The following FAM193A variants were observed in gnomAD, a reference collection of about 807,000 sequenced individuals.
FAM193A encodes family with sequence similarity 193 member A.
A neutral mutation model predicts 126.5 loss-of-function variants in FAM193A; 22 were observed. The observed-to-expected ratio is 0.17, with a 90% CI of 0.12 to 0.25. FAM193A has a LOEUF of 0.25. FAM193A is among the 10% of genes least tolerant of loss of function. The pLI, the probability that FAM193A is intolerant of heterozygous loss-of-function variation, is 1.00. For synonymous variants in FAM193A, 761 were observed against 646.8 expected, an observed-to-expected ratio of 1.18 and a Z score of -2.68; for missense variants, 1,675 against 1,672.8, an observed-to-expected ratio of 1.00 and a Z score of -0.02.
chr4:2,633,953 G>A, intron 5 of FAM193A, among the ~76,000 whole-genome samples: 1 of 152,162 alleles, frequency 6.6e-6, no homozygotes. Context: ...GGAGTAAGTC[G>A]TAGTGGTGAA....
intron 2 of FAM193A, among the ~76,000 whole-genome samples, chr4:2,603,829 C>T (rs1342549295): frequency 6.6e-6 from 1 of 151,744 alleles, no homozygotes; most frequent in Admixed American, 6.6e-5. Flanking sequence ...TATCCAAACA[C>T]ATATCTCTTG....
intron 4 of FAM193A, 37 bp from the exon 5 acceptor site, chr4:2,630,898 T>C: frequency 1.6e-6 from 2 of 1,261,338 alleles, no homozygotes; most frequent in Non-Finnish European, 1.1e-6. Context: ...CCATGGGCCC[T>C]GGTGGGCAGG....
intron 20 of FAM193A, among the ~76,000 whole-genome samples, chr4:2,729,613 A>G (rs889389472): frequency 1.3e-5 from 2 of 152,098 alleles, no homozygotes; most frequent in Admixed American, 1.3e-4. Flanking sequence ...TGAGGAGGCA[A>G]TAATTGAGGC....
chr4:2,565,035 G>A (rs964395328), intron 1 of FAM193A, among the ~76,000 whole-genome samples: 3 of 152,064 alleles, frequency 2.0e-5, no homozygotes, highest in African/African-American at 7.2e-5. Flanking sequence ...CTGGCCTCAA[G>A]TTATCCTCCC....
At chr4:2,594,931 C>G (rs1447492041) in intron 1 of FAM193A, among the ~76,000 whole-genome samples, 1 of 136,050 alleles carries the variant, frequency 7.4e-6, no homozygotes, top group African/African-American at 2.7e-5. Context: ...CAGGTTCAAA[C>G]GATTCTCCTG....
intron 19 of FAM193A, 42 bp downstream of exon 19, chr4:2,700,586 G>A (rs1250671705): frequency 6.4e-7 from 1 of 1,574,682 alleles, no homozygotes; most frequent in Non-Finnish European, 8.6e-7. Flanking sequence ...AGCGATGCCT[G>A]GTTTTCCATG....
chr4:2,623,868 C>T lies in FAM193A; in HGVS notation c.502-1394C>T, dbSNP rs1742708367. ...GGAAGTCTCTCTTGTGACTGTATTT[C>T]TTTTCCTCATGCTGTGGGGGTCAGG... On this transcript the variant is annotated intron_variant, in intron 2 of 20. Transcript: ENST00000637812. 5.9e-5 allele frequency among the ~76,000 whole-genome samples: 9 copies of T among 152,278 alleles called. No homozygotes were observed. In the South Asian group the frequency reaches 1.9e-3, roughly 32 times the overall value.
chr4:2,619,058 G>A (rs183058074), intron 2 of FAM193A, among the ~76,000 whole-genome samples: 31 of 152,192 alleles, frequency 2.0e-4, no homozygotes, highest in Admixed American at 9.2e-4. Flanking sequence ...CCTGTGTTCA[G>A]GTTTATTGGT....
chr4:2,713,581 G>A (rs1719231416), intron 19 of FAM193A, among the ~76,000 whole-genome samples: 1 of 152,186 alleles, frequency 6.6e-6, no homozygotes, highest in Admixed American at 6.5e-5. Flanking sequence ...CTCCACAGCA[G>A]GCAGTGAGTG....
At chr4:2,632,700 CA>C (rs1354197032) in intron 5 of FAM193A, among the ~76,000 whole-genome samples, 1 of 143,468 alleles carries the variant, frequency 7.0e-6, no homozygotes, top group Admixed American at 7.2e-5. Context: ...GGGGGTGGGG[CA>C]GGGGGGCAGT....
chr4:2,696,644 A>G lies in FAM193A; in HGVS notation c.3507+51A>G, dbSNP rs533741102. The G allele has an allele frequency of 3.5e-5, 50 of 1,438,922 alleles. No individual in the cohort carries two copies. The East Asian group carries it at 9.8e-4, about 28-fold the overall frequency. 89.1% of individuals were successfully genotyped at this position (1,438,922 alleles called of 1,614,324 possible). On this transcript the variant is annotated intron_variant, in intron 18 of 20. Transcript: ENST00000637812. ...AGGCGCCAGGTCTGAGGGCATTTGA[A>G]GGTGCCGTGCCACGCCAGTCTCTAG... is the stretch of plus-strand genomic sequence containing the variant.
intron 13 of FAM193A, among the ~76,000 whole-genome samples, chr4:2,688,374 G>T (rs1373484189): frequency 6.6e-6 from 1 of 152,148 alleles, no homozygotes; most frequent in Non-Finnish European, 1.5e-5. Flanking sequence ...CAAAGGCAAC[G>T]CCGGCTTCTC....
intron 5 of FAM193A, among the ~76,000 whole-genome samples, chr4:2,636,526 C>T (rs1744109274): frequency 6.6e-6 from 1 of 152,062 alleles, no homozygotes; most frequent in Non-Finnish European, 1.5e-5. Context: ...CCAGCTCACC[C>T]CATGAATGGA....
At chr4:2,723,588 T>C (rs940582459) in intron 20 of FAM193A, among the ~76,000 whole-genome samples, 2 of 147,578 alleles carry the variant, frequency 1.4e-5, no homozygotes, top group African/African-American at 5.0e-5. Flanking sequence ...AAAAAAAAAG[T>C]TTGAAGTAAA....
At chr4:2,621,269 A>T (rs1742530760) in intron 2 of FAM193A, among the ~76,000 whole-genome samples, 1 of 152,194 alleles carries the variant, frequency 6.6e-6, no homozygotes, top group South Asian at 2.1e-4. Flanking sequence ...TACAGGGTGC[A>T]GCTCCTTCAT....
intron 19 of FAM193A, among the ~76,000 whole-genome samples, chr4:2,709,767 C>T (rs1718708686): frequency 6.6e-6 from 1 of 152,122 alleles, no homozygotes; most frequent in East Asian, 1.9e-4. Flanking sequence ...TTTCAGTGAT[C>T]TGGAACAATT....
At chr4:2,691,871 A>G (rs1052371161) in intron 15 of FAM193A, among the ~76,000 whole-genome samples, 1 of 152,186 alleles carries the variant, frequency 6.6e-6, no homozygotes, top group African/African-American at 2.4e-5. Context: ...ACAGAGCAGT[A>G]GGGTGGGAAG....
intron 5 of FAM193A, among the ~76,000 whole-genome samples, chr4:2,635,613 A>C (rs1334224081): frequency 6.6e-6 from 1 of 152,130 alleles, no homozygotes; most frequent in Non-Finnish European, 1.5e-5. Context: ...GCTCACTGAA[A>C]CCTCTGCCTC....
At chr4:2,599,641 C>A (rs1741077688) in intron 2 of FAM193A, among the ~76,000 whole-genome samples, 2 of 152,190 alleles carry the variant, frequency 1.3e-5, no homozygotes, top group African/African-American at 2.4e-5. Context: ...ACGTCCTAGA[C>A]ATAGTCGTGC....
Sources: allele counts gnomAD v4.1 joint callset (sites outside exome capture counted in the v4.1 genomes callset), GRCh38; gene constraint gnomAD v4.1.1; transcripts MANE v1.5; gene names NCBI Gene and HGNC (gene_info 2026-07-23, HGNC 2026-07-21).